Variants in SHTN1 observed in about 807,000 individuals in gnomAD.
SHTN1 encodes the protein shootin-1.
In SHTN1, 42 loss-of-function variants were observed where a neutral mutation model predicts 83.1. The ratio of observed to expected loss-of-function variants is 0.51; its 90% confidence interval spans 0.39 to 0.65. The LOEUF (loss-of-function observed/expected upper bound fraction) is 0.65. Among genes scored for constraint, SHTN1 ranks in the 30% least tolerant of loss-of-function variants. The probability of loss-of-function intolerance (pLI) is 0.00; values close to 1 mark genes in which losing one functional copy is unlikely to be tolerated. For synonymous variants in SHTN1, 224 were observed against 247.7 expected (o/e 0.90, Z 0.90); for missense variants, 622 against 737.8 (o/e 0.84, Z 1.82).
At chr10:116,943,384 T>G (rs1021838117) in intron 8 of SHTN1, among the ~76,000 whole-genome samples, 2 of 152,232 alleles carry the variant, frequency 1.3e-5, no homozygotes, top group East Asian at 3.8e-4. Flanking sequence ...TGTCTTGAAA[T>G]GAGACCTGCT....
At chr10:117,084,412 C>A (rs568402408) in intron 1 of SHTN1, among the ~76,000 whole-genome samples, 1 of 152,188 alleles carries the variant, frequency 6.6e-6, no homozygotes, top group Non-Finnish European at 1.5e-5. Context: ...TCTCCAGCTG[C>A]GTACTGGGAG....
At chr10:117,119,525 CA>C (rs1352335021) in intron 1 of SHTN1, among the ~76,000 whole-genome samples, 1 of 152,018 alleles carries the variant, frequency 6.6e-6, no homozygotes, top group Admixed American at 6.6e-5. Context: ...GGCTTATAAT[CA>C]AAAGATAAGC....
At chr10:116,901,659 G>T in intron 16 of SHTN1, 106 bp downstream of exon 16, 1 of 1,353,586 alleles carries the variant, frequency 7.4e-7, no homozygotes, top group South Asian at 2.1e-5. Context: ...AGAATTTACC[G>T]GCGAGCCAAT....
chr10:116,937,364 C>G (rs1005444194), intron 9 of SHTN1, among the ~76,000 whole-genome samples: 40 of 152,186 alleles, frequency 2.6e-4, no homozygotes, highest in African/African-American at 9.2e-4. Context: ...CTGGCGGTGA[C>G]AAAATCTCTC....
At chr10:116,888,305 T>C (rs188675015) in intron 16 of SHTN1, among the ~76,000 whole-genome samples, 3 of 152,294 alleles carry the variant, frequency 2.0e-5, no homozygotes, top group Admixed American at 6.5e-5. Flanking sequence ...GTGGTACCTG[T>C]TTTGACTCTC....
At chr10:116,952,608 A>T (rs1377476140) in intron 5 of SHTN1, among the ~76,000 whole-genome samples, 6 of 152,320 alleles carry the variant, frequency 3.9e-5, no homozygotes, top group African/African-American at 1.2e-4. Flanking sequence ...GGATTCAATG[A>T]AAAGTGTGTC....
At chr10:116,942,501 C>T (rs971427447) in intron 8 of SHTN1, among the ~76,000 whole-genome samples, 1 of 152,002 alleles carries the variant, frequency 6.6e-6, no homozygotes. Context: ...ACGTGAGCCA[C>T]CATGCCTGGT....
At chr10:117,009,859 C>T (rs1246656305), upstream of SHTN1, among the ~76,000 whole-genome samples, 1 of 151,478 alleles carries the variant, frequency 6.6e-6, no homozygotes, top group South Asian at 2.1e-4. Context: ...GCCGAGATCG[C>T]GCCACTGCAC....
At chr10:117,047,767 A>G (rs953623913) in intron 2 of SHTN1, among the ~76,000 whole-genome samples, 12 of 151,278 alleles carry the variant, frequency 7.9e-5, no homozygotes, top group Admixed American at 7.3e-4. Context: ...CCAAAAAAAA[A>G]AAAAAGTCTC....
At chr10:116,998,919 T>G (rs1274353544) in intron 1 of SHTN1, among the ~76,000 whole-genome samples, 2 of 152,218 alleles carry the variant, frequency 1.3e-5, no homozygotes, top group Non-Finnish European at 2.9e-5. Flanking sequence ...CATATATATA[T>G]ATGTGTAACC....
At chr10:116,890,140 T>C (rs1478068997) in intron 16 of SHTN1, among the ~76,000 whole-genome samples, 3 of 142,286 alleles carry the variant, frequency 2.1e-5, no homozygotes, top group African/African-American at 8.3e-5. Context: ...TCAATGGGAA[T>C]TGTAATATAC....
At chr10:116,901,318 G>A (rs767657661) in intron 16 of SHTN1, 17 of 984,996 alleles carry the variant, frequency 1.7e-5, no homozygotes, top group African/African-American at 3.5e-5. Context: ...TCAGGATAGA[G>A]CAATATTAGG....
Position 116,881,885 on chromosome 10 carries a change from G to T in SHTN1, c.*4459C>A, listed in dbSNP as rs11197843. On this transcript the variant is annotated 3_prime_UTR_variant, in exon 17 of 17. Coordinates refer to ENST00000355371, the MANE Select transcript of SHTN1 (RefSeq NM_001127211.3). ...TTTGCAGCCACCACACTTCCATGTG[G>T]ATTTTGTTTGTCTATTAGCTCTCCT... 64,269 of 398,238 alleles carry T rather than the reference G, an allele frequency of 0.16. 5,718 individuals are homozygous for T. Among genetic ancestry groups the T allele is most frequent in the Admixed American group, 0.21 (4,741 of 22,350 alleles). The allele number at this position is 398,238 out of a possible 1,614,324, so 24.7% of individuals were successfully genotyped here.
At chr10:117,126,113 A>AG (rs978359549) in intron 1 of SHTN1, among the ~76,000 whole-genome samples, 2 of 152,110 alleles carry the variant, frequency 1.3e-5, no homozygotes, top group Non-Finnish European at 2.9e-5. Context: ...GGGGCCTTTC[A>AG]GGGGGCGCTG....
At position 116,901,936 on chromosome 10, in the gene SHTN1, G is replaced by A. The variant is rs1196429810; in HGVS notation, c.1502C>T (p.Thr501Ile). 6.2e-7 allele frequency: 1 copy of A among 1,601,292 alleles called. No individual in the cohort carries two copies. Among genetic ancestry groups the A allele is most frequent in the Non-Finnish European group, 8.5e-7 (1 of 1,175,344 alleles). Residue 501 changes from threonine (T) to isoleucine (I), a missense_variant, in exon 16 of 17, where the codon ACC (threonine) becomes ATC (isoleucine). Transcript: ENST00000355371. ...DSSSPTGILA[T>I]SESKSMPVLG... ...CACTGGCATGGATTTGGACTCTGAG[G>A]TGGCTAATATCCCAGTTGGACCTTA... is the stretch of plus-strand genomic sequence containing the variant.
At chr10:116,887,318 T>C (rs1847196105) in intron 16 of SHTN1, among the ~76,000 whole-genome samples, 1 of 152,190 alleles carries the variant, frequency 6.6e-6, no homozygotes, top group African/African-American at 2.4e-5. Context: ...AGGATTTCAT[T>C]ATGGGAACAG....
rs146554463 is a variant in SHTN1, at chr10:117,067,959, T to C, written c.-188-19449A>G. On this transcript the variant is annotated intron_variant, in intron 1 of 17. Transcript: ENST00000392901. ...AAATAAGGAATAGCTTGGAGAGCCA[T>C]AGGAAGTTGAAGTAGAGACATAAAG... 3.3e-3 allele frequency among the ~76,000 whole-genome samples: 499 copies of C among 152,100 alleles called. 2 individuals carry two copies. The highest frequency in any genetic ancestry group is 5.0e-3 in the South Asian group (24 of 4,816).
intron 2 of SHTN1, among the ~76,000 whole-genome samples, chr10:116,977,018 T>C (rs1486518839): frequency 6.6e-6 from 1 of 152,190 alleles, no homozygotes; most frequent in African/African-American, 2.4e-5. Context: ...TAATTTATAA[T>C]CCTCCTTTTA....
chr10:116,957,690 A>G (rs73398108), intron 4 of SHTN1, among the ~76,000 whole-genome samples: 3 of 152,324 alleles, frequency 2.0e-5, no homozygotes, highest in African/African-American at 7.2e-5. Flanking sequence ...GGATCATATG[A>G]CTTAAATAAC....
Sources: allele counts gnomAD v4.1 joint callset (sites outside exome capture counted in the v4.1 genomes callset), GRCh38; gene constraint gnomAD v4.1.1; transcripts MANE v1.5; gene names NCBI Gene and HGNC (gene_info 2026-07-23, HGNC 2026-07-21).